The following DCC variants were observed in gnomAD, a reference collection of about 807,000 sequenced individuals.
DCC encodes the protein netrin receptor DCC.
DCC carries 58 observed loss-of-function variants against 172.5 expected under a neutral mutation model. The ratio of observed to expected loss-of-function variants is 0.34; its 90% CI spans 0.27 to 0.42. DCC has a LOEUF of 0.42. Ranked by LOEUF, DCC falls within the 10% of genes least tolerant of loss-of-function variation. The pLI, the probability that DCC is intolerant of heterozygous loss-of-function variation, is 1.00. For synonymous variants in DCC, 709 were observed against 644.5 expected (o/e 1.10, Z -1.52); for missense variants, 1,740 against 1,791.0 (o/e 0.97, Z 0.51).
intron 2 of DCC, among the ~76,000 whole-genome samples, chr18:52,853,473 T>C (rs2039007929): frequency 6.6e-6 from 1 of 152,206 alleles, no homozygotes; most frequent in Non-Finnish European, 1.5e-5. Context: ...GGTACACTTT[T>C]CAGGTGTGAA....
intron 21 of DCC, among the ~76,000 whole-genome samples, chr18:53,434,077 T>C (rs1023222934): frequency 1.7e-4 from 26 of 152,280 alleles, no homozygotes; most frequent in African/African-American, 5.5e-4. Context: ...AGGGTAGTGT[T>C]TGTCATGCAA....
chr18:53,446,378 A>G (rs1342854496), intron 22 of DCC, among the ~76,000 whole-genome samples: 1 of 152,122 alleles, frequency 6.6e-6, no homozygotes, highest in African/African-American at 2.4e-5. Context: ...TGCAACTATT[A>G]TCTCATGAAA....
rs910183027 is a variant in DCC at position 52,413,575 on chromosome 18, C to A, written c.91+72697C>A. Among the ~76,000 whole-genome samples, 7 of 136,052 alleles carry A rather than the reference C, an allele frequency of 5.1e-5. No individual in the cohort carries two copies. The South Asian group carries it at 1.5e-3, about 29-fold the overall frequency. The allele number at this position is 136,052 out of a possible 152,430, so 89.3% of individuals were successfully genotyped here. A position where few individuals can be genotyped will look rare whatever the true frequency, so the allele number is the denominator to read the frequency against. On this transcript the variant is annotated intron_variant, in intron 1 of 28. Coordinates refer to ENST00000442544, the MANE Select transcript of DCC (RefSeq NM_005215.4). ...TTGAATATAGAGCAATTATTTTTAACCCTATTAACATATGTTCTGATAGTT... is the reference window on the plus strand; with the variant it reads ...TTGAATATAGAGCAATTATTTTTAAACCTATTAACATATGTTCTGATAGTT...
At chr18:52,844,033 T>A (rs2038847190) in intron 2 of DCC, among the ~76,000 whole-genome samples, 1 of 152,166 alleles carries the variant, frequency 6.6e-6, no homozygotes, top group Non-Finnish European at 1.5e-5. Context: ...TATCTACCAA[T>A]TTTATGACCC....
At chr18:52,564,670 G>A (rs1008484790) in intron 1 of DCC, among the ~76,000 whole-genome samples, 1 of 118,684 alleles carries the variant, frequency 8.4e-6, no homozygotes, top group Non-Finnish European at 1.8e-5. Flanking sequence ...ATAATATTGG[G>A]GGGGGGGGTG....
chr18:53,057,243 A>G (rs1029615810), intron 5 of DCC, among the ~76,000 whole-genome samples: 1 of 151,990 alleles, frequency 6.6e-6, no homozygotes, highest in African/African-American at 2.4e-5. Flanking sequence ...CATTGTACAG[A>G]ATTCAAATGG....
At chr18:52,555,635 AC>A (rs2032895886) in intron 1 of DCC, among the ~76,000 whole-genome samples, 1 of 152,144 alleles carries the variant, frequency 6.6e-6, no homozygotes, top group African/African-American at 2.4e-5. Context: ...TTAATAATGC[AC>A]ACAGGAAGCA....
At chr18:53,261,117 T>G (rs1332717979) in intron 12 of DCC, among the ~76,000 whole-genome samples, 1 of 152,108 alleles carries the variant, frequency 6.6e-6, no homozygotes, top group African/African-American at 2.4e-5. Flanking sequence ...TTTCTTTGAC[T>G]AGGAAAGGGA....
At chr18:53,051,047 T>G (rs967196066) in intron 5 of DCC, among the ~76,000 whole-genome samples, 1 of 151,974 alleles carries the variant, frequency 6.6e-6, no homozygotes, top group South Asian at 2.1e-4. Flanking sequence ...TTGTGCAACA[T>G]AGTAGATGCC....
chr18:53,354,653 A>T (rs1283860053), intron 15 of DCC, among the ~76,000 whole-genome samples: 1 of 151,746 alleles, frequency 6.6e-6, no homozygotes, highest in Non-Finnish European at 1.5e-5. Context: ...TACATTCTGG[A>T]TATTAGCCCT....
At chr18:53,462,727 G>T (rs1344479401) in intron 24 of DCC, among the ~76,000 whole-genome samples, 1 of 152,222 alleles carries the variant, frequency 6.6e-6, no homozygotes, top group African/African-American at 2.4e-5. Flanking sequence ...GCTTTGTGGG[G>T]CCTTGTAGAC....
chr18:52,443,548 A>C (rs1156540576), intron 1 of DCC, among the ~76,000 whole-genome samples: 2 of 152,190 alleles, frequency 1.3e-5, no homozygotes, highest in African/African-American at 4.8e-5. Flanking sequence ...AGTTTCCCAG[A>C]CAGGTGAGAA....
At chr18:52,812,675 A>T (rs1038336067) in intron 2 of DCC, among the ~76,000 whole-genome samples, 1 of 152,240 alleles carries the variant, frequency 6.6e-6, no homozygotes, top group African/African-American at 2.4e-5. Context: ...CAGAAAACTC[A>T]GTGGCTTAAA....
chr18:52,508,184 G>A (rs2031303588), intron 1 of DCC, among the ~76,000 whole-genome samples: 1 of 152,136 alleles, frequency 6.6e-6, no homozygotes, highest in African/African-American at 2.4e-5. Flanking sequence ...AGAGAAGAAA[G>A]ATGTCTGCTT....
At chr18:52,936,680 AAGG>A (rs1296241139) in intron 5 of DCC, among the ~76,000 whole-genome samples, 1 of 149,168 alleles carries the variant, frequency 6.7e-6, no homozygotes, top group Non-Finnish European at 1.5e-5. Context: ...TGTGGCTCAC[AAGG>A]AGGAGAACTG....
At chr18:52,828,400 CA>C (rs1279166595) in intron 2 of DCC, among the ~76,000 whole-genome samples, 2 of 151,988 alleles carry the variant, frequency 1.3e-5, no homozygotes, top group Admixed American at 1.3e-4. Context: ...AAGACACTTA[CA>C]ACCCCGTCTT....
At chr18:52,988,381 G>A (rs1055362234) in intron 5 of DCC, among the ~76,000 whole-genome samples, 3 of 152,042 alleles carry the variant, frequency 2.0e-5, no homozygotes, top group African/African-American at 4.8e-5. Context: ...TGATTGACAG[G>A]TTTTAAAATT....
chr18:53,153,188 C>T (rs1187216551), intron 7 of DCC, among the ~76,000 whole-genome samples: 1 of 152,148 alleles, frequency 6.6e-6, no homozygotes, highest in Non-Finnish European at 1.5e-5. Context: ...TTTCAAAAAG[C>T]TTTCACCAAG....
chr18:52,612,304 C>T (rs1031039677), intron 1 of DCC, among the ~76,000 whole-genome samples: 1 of 152,274 alleles, frequency 6.6e-6, no homozygotes, highest in Non-Finnish European at 1.5e-5. Context: ...TCTCTCCCCC[C>T]ATCCCCTGCC....
Sources: gnomAD v4.1 joint callset for allele counts (sites outside exome capture counted in the v4.1 genomes callset) on GRCh38, gnomAD v4.1.1 for gene constraint, MANE v1.5 for transcripts, NCBI Gene and HGNC (gene_info 2026-07-23, HGNC 2026-07-21) for gene names.